FMN1: variants seen among roughly 807,000 people sequenced by gnomAD.
The protein encoded by FMN1 is formin 1.
In FMN1, 110 loss-of-function variants were observed where a neutral mutation model predicts 132.4. The observed-to-expected ratio is 0.83, with a 90% CI of 0.71 to 0.97. The LOEUF (loss-of-function observed/expected upper bound fraction) is 0.97, where lower values mean the gene tolerates loss of function less well. FMN1 is among the 50% of genes least tolerant of loss of function. The pLI is 0.00. For synonymous variants in FMN1, 722 were observed against 651.7 expected (o/e 1.11, Z -1.64); for missense variants, 1,792 against 1,705.3 (o/e 1.05, Z -0.90).
At chr15:32,961,656 T>C (rs2030569159) in intron 9 of FMN1, among the ~76,000 whole-genome samples, 3 of 152,172 alleles carry the variant, frequency 2.0e-5, no homozygotes, top group Non-Finnish European at 2.9e-5. Context: ...AGCTGTCATA[T>C]GTTGAGCACT....
intron 2 of FMN1, among the ~76,000 whole-genome samples, chr15:33,193,554 T>G (rs1966154584): frequency 6.6e-6 from 1 of 152,180 alleles, no homozygotes. Context: ...TCAGGTTGTC[T>G]GCTACTCCAC....
At chr15:33,095,344 T>TG (rs1180907550) in intron 4 of FMN1, among the ~76,000 whole-genome samples, 1 of 151,512 alleles carries the variant, frequency 6.6e-6, no homozygotes, top group Non-Finnish European at 1.5e-5. Flanking sequence ...TAAGACTGTC[T>TG]CAAAAAAAAC....
chr15:32,914,687 T>C (rs2060642694), intron 10 of FMN1, among the ~76,000 whole-genome samples: 1 of 152,196 alleles, frequency 6.6e-6, no homozygotes, highest in African/African-American at 2.4e-5. Context: ...ACTTGAATAG[T>C]GTGGACAGAA....
At chr15:32,798,238 A>G (rs1259596115) in intron 19 of FMN1, among the ~76,000 whole-genome samples, 1 of 151,022 alleles carries the variant, frequency 6.6e-6, no homozygotes, top group East Asian at 1.9e-4. Context: ...TTCAGAGTTG[A>G]GGTTTTTCTT....
intron 4 of FMN1, among the ~76,000 whole-genome samples, chr15:33,125,235 TGGA>T (rs1962940654): frequency 6.6e-6 from 1 of 152,192 alleles, no homozygotes; most frequent in Admixed American, 6.5e-5. Context: ...TTCCATAAAA[TGGA>T]GGAAATAACC....
intron 7 of FMN1, among the ~76,000 whole-genome samples, chr15:33,002,501 A>G (rs970927936): frequency 3.9e-5 from 6 of 152,148 alleles, no homozygotes; most frequent in Non-Finnish European, 8.8e-5. Context: ...TTTTTATTGT[A>G]TTGATGCCAA....
At chr15:32,942,027 C>T (rs371142044) in intron 9 of FMN1, among the ~76,000 whole-genome samples, 120 of 152,264 alleles carry the variant, frequency 7.9e-4, no homozygotes, top group South Asian at 4.4e-3. Flanking sequence ...TGTGCAGGGG[C>T]AAATTCACAG....
intron 7 of FMN1, among the ~76,000 whole-genome samples, chr15:32,999,487 G>C (rs1033501327): frequency 6.6e-6 from 1 of 152,160 alleles, no homozygotes; most frequent in African/African-American, 2.4e-5. Flanking sequence ...GGGACAAAAA[G>C]GTACAATGTA....
Position 32,783,484 on chromosome 15 carries a change from C to T in FMN1, c.4131-6565G>A, listed in dbSNP as rs372700250. ...TAACCTGGCCGGGTGTGGTGGCTCACGCCTGTAATCCCAGCACTTTGGGAG... is the reference window on the plus strand; with the variant it reads ...TAACCTGGCCGGGTGTGGTGGCTCATGCCTGTAATCCCAGCACTTTGGGAG... On this transcript the variant is annotated intron_variant, in intron 19 of 20. Transcript: ENST00000616417. 6.6e-5 allele frequency among the ~76,000 whole-genome samples: 10 copies of T among 152,130 alleles called. No homozygotes were observed. The East Asian group carries it at 7.8e-4, about 12-fold the overall frequency.
At chr15:33,015,173 G>A (rs1041968975) in intron 6 of FMN1, among the ~76,000 whole-genome samples, 5 of 152,148 alleles carry the variant, frequency 3.3e-5, no homozygotes, top group African/African-American at 1.2e-4. Context: ...CGTTCTTGCC[G>A]TTCTTTTGGT....
intron 18 of FMN1, among the ~76,000 whole-genome samples, chr15:32,799,268 C>T (rs1044557924): frequency 6.6e-6 from 1 of 152,156 alleles, no homozygotes; most frequent in African/African-American, 2.4e-5. Flanking sequence ...CCCGTCTCTT[C>T]CCTGCTCTTC....
chr15:32,979,943 A>T (rs1327065061), intron 7 of FMN1, among the ~76,000 whole-genome samples: 1 of 152,226 alleles, frequency 6.6e-6, no homozygotes, highest in Non-Finnish European at 1.5e-5. Context: ...CCGATGATGC[A>T]TGCATGGATC....
At chr15:32,940,508 G>GTAGCTTAAAAGTAACTC (rs1359648780) in intron 9 of FMN1, among the ~76,000 whole-genome samples, 2 of 151,658 alleles carry the variant, frequency 1.3e-5, no homozygotes, top group Non-Finnish European at 2.9e-5. Context: ...CTACTCATAA[G>GTAGCTTAAAAGTAACTC]ATCAGTAACT....
At chr15:32,958,313 G>A (rs542862617) in intron 9 of FMN1, among the ~76,000 whole-genome samples, 1 of 152,184 alleles carries the variant, frequency 6.6e-6, no homozygotes, top group Admixed American at 6.5e-5. Flanking sequence ...CTATCACCAA[G>A]GTGGCAAGTT....
chr15:33,165,400 C>CT (rs893808541), intron 3 of FMN1, among the ~76,000 whole-genome samples: 11 of 152,056 alleles, frequency 7.2e-5, no homozygotes, highest in South Asian at 4.2e-4. Flanking sequence ...GTTTTTCTTT[C>CT]TTTTTTTTGA....
At chr15:32,828,333 G>A (rs756203615) in intron 17 of FMN1, among the ~76,000 whole-genome samples, 13 of 152,178 alleles carry the variant, frequency 8.5e-5, no homozygotes, top group Non-Finnish European at 1.8e-4. Context: ...TAAAAATTAG[G>A]ATGCAGAATG....
chr15:32,926,092 T>C, intron 10 of FMN1, 82 bp downstream of exon 10: 1 of 766,410 alleles, frequency 1.3e-6, no homozygotes, highest in Non-Finnish European at 2.2e-6. Context: ...CATTCTAACT[T>C]TGTATGTGTT....
chr15:33,010,909 AAAAAT>A (rs1460192015), intron 6 of FMN1, among the ~76,000 whole-genome samples: 2 of 151,986 alleles, frequency 1.3e-5, no homozygotes, highest in African/African-American at 4.8e-5. Context: ...CTAAAAAAAA[AAAAAT>A]AAACGCAGAA....
At chr15:32,947,197 C>T (rs1202254135) in intron 9 of FMN1, among the ~76,000 whole-genome samples, 1 of 151,942 alleles carries the variant, frequency 6.6e-6, no homozygotes, top group East Asian at 1.9e-4. Context: ...GTCTTTTATT[C>T]ATGAAGTGAG....
Sources: gnomAD v4.1 joint callset for allele counts (sites outside exome capture counted in the v4.1 genomes callset) on GRCh38, gnomAD v4.1.1 for gene constraint, MANE v1.5 for transcripts, NCBI Gene and HGNC (gene_info 2026-07-23, HGNC 2026-07-21) for gene names.